The following MYZAP variants were observed in gnomAD, a reference collection of about 807,000 sequenced individuals.
MYZAP encodes the protein GRINL1A complex locus upstream.
MYZAP carries 66 observed loss-of-function variants against 69.4 expected under a neutral mutation model. The observed-to-expected ratio is 0.95, with a 90% CI of 0.78 to 1.17. MYZAP has a LOEUF of 1.17. Among genes scored for constraint, MYZAP ranks in the 50% most tolerant of loss-of-function variants. The probability of loss-of-function intolerance (pLI) is 0.00; values close to 1 mark genes in which losing one functional copy is unlikely to be tolerated. For synonymous variants in MYZAP, 256 were observed against 205.9 expected, an observed-to-expected ratio of 1.24 and a Z score of -2.09; for missense variants, 611 against 556.2, an observed-to-expected ratio of 1.10 and a Z score of -0.99.
At chr15:57,617,122 C>A (rs189720315) in intron 2 of MYZAP, among the ~76,000 whole-genome samples, 64 of 152,146 alleles carry the variant, frequency 4.2e-4, no homozygotes, top group Admixed American at 2.1e-3. Flanking sequence ...TAATGTCAGA[C>A]AGAATCACAG....
chr15:57,642,734 T>C (rs535548719), intron 10 of MYZAP, among the ~76,000 whole-genome samples: 1 of 152,236 alleles, frequency 6.6e-6, no homozygotes, highest in Non-Finnish European at 1.5e-5. Flanking sequence ...TTAAGCAACA[T>C]GTTTCTTCTC....
At chr15:57,624,175 T>C (rs1174347482) in intron 4 of MYZAP, among the ~76,000 whole-genome samples, 1 of 152,192 alleles carries the variant, frequency 6.6e-6, no homozygotes. Context: ...CTAATGCTTG[T>C]AGACATTTAA....
chr15:57,646,399 A>T, intron 10 of MYZAP: 9 of 1,117,744 alleles, frequency 8.1e-6, no homozygotes, highest in Non-Finnish European at 9.9e-6. Flanking sequence ...TGACTTGTAC[A>T]GCCTCAAACT....
intron 1 of MYZAP, among the ~76,000 whole-genome samples, chr15:57,593,854 A>G (rs1413541722): frequency 6.6e-6 from 1 of 152,174 alleles, no homozygotes; most frequent in Admixed American, 6.5e-5. Flanking sequence ...AGATGTTACA[A>G]GTACTATCTG....
At chr15:57,635,988 C>T (rs2036795417) in intron 8 of MYZAP, among the ~76,000 whole-genome samples, 1 of 152,188 alleles carries the variant, frequency 6.6e-6, no homozygotes, top group African/African-American at 2.4e-5. Flanking sequence ...ATAATCTGGG[C>T]AGTGGTTTCA....
At chr15:57,664,557 G>A (rs1251759163) in intron 11 of MYZAP, among the ~76,000 whole-genome samples, 1 of 152,198 alleles carries the variant, frequency 6.6e-6, no homozygotes, top group African/African-American at 2.4e-5. Context: ...CTACGGCACG[G>A]ATGCTAAGCA....
intron 10 of MYZAP, among the ~76,000 whole-genome samples, chr15:57,655,037 A>C (rs144972430): frequency 4.3e-4 from 66 of 152,286 alleles, no homozygotes; most frequent in African/African-American, 1.5e-3. Context: ...GGTCTAGTAC[A>C]AGGGAAAAAA....
rs184299745 is a variant in MYZAP at position 57,643,230 on chromosome 15, A to C, written c.1119+3685A>C. 2.2e-4 allele frequency among the ~76,000 whole-genome samples: 34 copies of C among 152,338 alleles called. No individual in the cohort carries two copies. The East Asian group carries it at 6.6e-3, about 29-fold the overall frequency. ...ATTAATTCATTCATCCATTCAGCAG[A>C]TACCCACCAGCACCCGCTCCGTGCT... On this transcript the variant is annotated intron_variant, in intron 10 of 12. Transcript: ENST00000267853.
chr15:57,618,098 G>A lies in MYZAP; in HGVS notation c.228G>A (p.Val76=). Residue 76 remains valine, a synonymous_variant, in exon 3 of 13, where the codon GTG becomes GTA. Transcript: ENST00000267853. ...KLPQGVVYGV[V]RRSDQNQQKE... The stretch of plus-strand genomic sequence containing the variant: ...CTCAGGGTGTTGTTTATGGTGTGGT[G>A]CGAAGATCAGATCAAAATCAGCAGA... 2 of 1,614,186 alleles carry A rather than the reference G, an allele frequency of 1.2e-6. No individual in the cohort carries two copies. The highest frequency in any genetic ancestry group is 2.2e-5 in the South Asian group (2 of 91,082).
chr15:57,618,303 G>A, intron 3 of MYZAP, 115 bp downstream of exon 3: 2 of 1,453,818 alleles, frequency 1.4e-6, no homozygotes. Flanking sequence ...AATTCTTAGT[G>A]TTATCATTTT....
intron 4 of MYZAP, among the ~76,000 whole-genome samples, chr15:57,623,867 GA>G (rs1567212276): frequency 6.7e-6 from 1 of 150,290 alleles, no homozygotes; most frequent in Non-Finnish European, 1.5e-5. Context: ...TGTAGACGGT[GA>G]AAAAAAGCAA....
chr15:57,634,359 A>T (rs1022561020), intron 8 of MYZAP, among the ~76,000 whole-genome samples: 1 of 152,330 alleles, frequency 6.6e-6, no homozygotes, highest in East Asian at 1.9e-4. Context: ...GGTGACCTTT[A>T]GCAGGTGACG....
Position 57,592,046 on chromosome 15 carries a change from C to A in MYZAP, c.12C>A (p.Ser4=), listed in dbSNP as rs564526066. Residue 4 remains serine, a synonymous_variant, in exon 1 of 13, where the codon TCC becomes TCA. Transcript: ENST00000267853. MLR[S]TSTVTLLSGG... ...ACCGCCGCTGCGGGATGCTGCGCTC[C>A]ACGTCCACGGTCACCCTGCTCTCGG... The A allele has an allele frequency of 7.0e-7, 1 of 1,434,654 alleles. No individual in the cohort carries two copies. Among genetic ancestry groups the A allele is most frequent in the Non-Finnish European group, 9.1e-7 (1 of 1,098,278 alleles). The allele number at this position is 1,434,654 out of a possible 1,614,324, so 88.9% of individuals were successfully genotyped here. A position where few individuals can be genotyped will look rare whatever the true frequency, so the allele number is the denominator to read the frequency against.
chr15:57,649,420 A>T (rs2037615695), intron 10 of MYZAP, among the ~76,000 whole-genome samples: 1 of 152,130 alleles, frequency 6.6e-6, no homozygotes, highest in African/African-American at 2.4e-5. Flanking sequence ...TTTTCATCTT[A>T]ATTTGCGTCA....
intron 2 of MYZAP, among the ~76,000 whole-genome samples, chr15:57,616,502 G>C (rs2035455375): frequency 6.6e-6 from 1 of 152,172 alleles, no homozygotes; most frequent in African/African-American, 2.4e-5. Flanking sequence ...GTTGGGCGTG[G>C]TGGCGCGCTT....
At chr15:57,607,605 C>G (rs1595859449) in intron 2 of MYZAP, among the ~76,000 whole-genome samples, 1 of 152,178 alleles carries the variant, frequency 6.6e-6, no homozygotes, top group Admixed American at 6.5e-5. Flanking sequence ...CTCCAAGGCC[C>G]TGAGGAGCAC....
intron 7 of MYZAP, 70 bp downstream of exon 7, chr15:57,632,629 C>T (rs1300239232): frequency 1.3e-6 from 2 of 1,585,104 alleles, no homozygotes; most frequent in Non-Finnish European, 1.7e-6. Flanking sequence ...GTGATGTATA[C>T]GTAGTAGTGT....
intron 5 of MYZAP, among the ~76,000 whole-genome samples, chr15:57,628,142 A>G (rs1238538356): frequency 1.3e-5 from 2 of 152,254 alleles, no homozygotes; most frequent in Non-Finnish European, 2.9e-5. Context: ...GTGAAATTGT[A>G]GATGACTGGG....
intron 10 of MYZAP, chr15:57,647,420 C>G (rs2037498223): frequency 1.0e-6 from 1 of 985,214 alleles, no homozygotes; most frequent in Non-Finnish European, 1.2e-6. Flanking sequence ...GCCTTTATTG[C>G]TGTAATGTTT....
Sources: allele counts gnomAD v4.1 joint callset (sites outside exome capture counted in the v4.1 genomes callset), GRCh38; gene constraint gnomAD v4.1.1; transcripts MANE v1.5; gene names NCBI Gene and HGNC (gene_info 2026-07-23, HGNC 2026-07-21).